Variants in RASSF6 observed in about 807,000 individuals in gnomAD.
RASSF6 encodes ras association domain-containing protein 6.
A neutral mutation model predicts 44.0 loss-of-function variants in RASSF6; 52 were observed. That is an observed-to-expected ratio of 1.18 (90% CI 0.95 to 1.49). The LOEUF (loss-of-function observed/expected upper bound fraction) is 1.49, where lower values mean the gene tolerates loss of function less well. RASSF6 is among the 40% of genes most tolerant of loss of function. The probability of loss-of-function intolerance (pLI) is 0.00; values close to 1 mark genes in which losing one functional copy is unlikely to be tolerated. For missense variants in RASSF6, 464 were observed against 393.3 expected, an observed-to-expected ratio of 1.18 and a Z score of -1.52; for synonymous variants, 162 against 124.6, an observed-to-expected ratio of 1.30 and a Z score of -2.00.
intron 2 of RASSF6, among the ~76,000 whole-genome samples, chr4:73,600,886 A>G (rs954808635): frequency 5.9e-5 from 9 of 152,220 alleles, no homozygotes; most frequent in Admixed American, 4.6e-4. Context: ...TAAAAATTAT[A>G]CTACTGGCCA....
rs1470023094 is a variant in RASSF6 at position 73,575,548 on chromosome 4, T to A, written c.*687A>T. 6.6e-6 allele frequency: 1 copy of A among 152,070 alleles called. No individual in the cohort carries two copies. The highest frequency in any genetic ancestry group is 1.5e-5 in the Non-Finnish European group (1 of 67,990). 9.4% of individuals were successfully genotyped at this position (152,070 alleles called of 1,614,324 possible). ...TAAATAAAGAAAAAGTTCAATTAAC[T>A]TAAAAAAGAGCTTAAGAAAAGCTTT... On this transcript the variant is annotated 3_prime_UTR_variant, in exon 11 of 11. Transcript: ENST00000307439.
At position 73,576,325 on chromosome 4, in the gene RASSF6, A is replaced by G. The variant is rs200422594; in HGVS notation, c.939-15T>C. On this transcript the variant is annotated splice_polypyrimidine_tract_variant and intron_variant, in intron 10 of 10. Transcript: ENST00000307439. The stretch of plus-strand genomic sequence containing the variant: ...CTTTATTGAATCTGAAAATGAGAAG[A>G]AGAAAGACTATTAAAAATTGGACAT... The G allele has an allele frequency of 8.2e-5, 125 of 1,516,384 alleles. No homozygotes were observed. The African/African-American group carries it at 1.6e-3, about 20-fold the overall frequency. The allele number at this position is 1,516,384 out of a possible 1,614,324, so 93.9% of individuals were successfully genotyped here. A position where few individuals can be genotyped will look rare whatever the true frequency, so the allele number is the denominator to read the frequency against.
rs768748092 is a variant in RASSF6 at position 73,593,460 on chromosome 4, G to A, written c.278C>T (p.Ser93Phe). ...ATGAAAGATAGCTTACCCTTTGCTG[G>A]AGAAGACGTCTGATGACTTCATACT... ...FTSMKSSDVF[S>F]SKGMTRWGEF... The change falls in exon 4 of 11, where the codon TCC becomes TTC. Residue 93 changes from serine to phenylalanine, a missense_variant. Ser to Phe is a radical substitution (Grantham distance 155). Coordinates refer to ENST00000307439, the MANE Select transcript of RASSF6 (RefSeq NM_177532.5). 3.7e-6 allele frequency: 6 copies of A among 1,603,296 alleles called. No individual in the cohort carries two copies. The highest frequency in any genetic ancestry group is 5.1e-6 in the Non-Finnish European group (6 of 1,176,720).
intron 3 of RASSF6, among the ~76,000 whole-genome samples, chr4:73,594,490 C>T (rs1724799045): frequency 6.6e-6 from 1 of 152,184 alleles, no homozygotes; most frequent in Admixed American, 6.5e-5. Flanking sequence ...CTAGTTGTGG[C>T]CTTGGACAAG....
intron 1 of RASSF6, among the ~76,000 whole-genome samples, chr4:73,614,123 C>T (rs949868567): frequency 1.3e-5 from 2 of 152,200 alleles, no homozygotes; most frequent in Non-Finnish European, 2.9e-5. Context: ...CCTCTTTCAT[C>T]ATAAGCCAAA....
rs531819229 is a variant in RASSF6, at chr4:73,582,275, G to C, written c.583C>G (p.Pro195Ala). The C allele has an allele frequency of 5.7e-6, 9 of 1,577,548 alleles. No homozygotes were observed. The East Asian group carries it at 1.1e-4, about 20-fold the overall frequency. Residue 195 changes from proline (P) to alanine (A), a missense_variant, in exon 7 of 11, where the codon CCA becomes GCA. Pro to Ala is a conservative substitution (Grantham distance 27). Coordinates refer to ENST00000307439, the MANE Select transcript of RASSF6 (RefSeq NM_177532.5). The stretch of plus-strand genomic sequence containing the variant: ...ACCTTAGTTTCTGATTCAAAGGCTG[G>C]AATGAAAATTGATGTCTAGAAAAAG... Reference protein sequence around the residue: ...FYNHETSIFIPAFESETKVRV... With the variant: ...FYNHETSIFIAAFESETKVRV...
At chr4:73,611,471 A>G (rs1726008101) in intron 2 of RASSF6, among the ~76,000 whole-genome samples, 1 of 152,198 alleles carries the variant, frequency 6.6e-6, no homozygotes, top group South Asian at 2.1e-4. Context: ...GCTGCTCTTC[A>G]ATATTATCCC....
rs1255769554 is a variant in RASSF6, at chr4:73,573,357, A to G, written c.*2878T>C. The G allele has an allele frequency of 6.6e-6, 1 of 152,122 alleles. No homozygotes were observed. Among genetic ancestry groups the G allele is most frequent in the East Asian group, 1.9e-4 (1 of 5,200 alleles). 9.4% of individuals were successfully genotyped at this position (152,122 alleles called of 1,614,324 possible). On this transcript the variant is annotated 3_prime_UTR_variant, in exon 11 of 11. Transcript: ENST00000307439. ...TGGCCAGGCTGGTCTCGAAATCCCA[A>G]CCTCAAGTGATCCACCTACCTTGGC...
Position 73,620,416 on chromosome 4 carries a change from C to T in RASSF6, c.-163G>A. 3 of 1,542,546 alleles carry T rather than the reference C, an allele frequency of 1.9e-6. No individual in the cohort carries two copies. Among genetic ancestry groups the T allele is most frequent in the Non-Finnish European group, 1.7e-6 (2 of 1,143,474 alleles). On this transcript the variant is annotated 5_prime_UTR_variant, in exon 1 of 11. Transcript: ENST00000307439. Reference sequence around the variant, plus strand: ...AAACCAGTGCCCTGTCTCTGCCGGGCTGGGACTCCGCGAGTCACTCACCTG... The same window carrying T: ...AAACCAGTGCCCTGTCTCTGCCGGGTTGGGACTCCGCGAGTCACTCACCTG...
rs1300756866 is a variant in RASSF6 at position 73,572,547 on chromosome 4, TAAAA to T, written c.*3684_*3687del. The stretch of plus-strand genomic sequence containing the variant: ...TATTATTTGTCAATTAAAAATAAAA[TAAAA>T]AGACGTAAGTCACTAAGTCCAGCCC... On this transcript the variant is annotated 3_prime_UTR_variant, in exon 11 of 11. Coordinates refer to ENST00000307439, the MANE Select transcript of RASSF6 (RefSeq NM_177532.5). 6.6e-6 allele frequency: 1 copy of T among 152,030 alleles called. No individual in the cohort carries two copies. Among genetic ancestry groups the T allele is most frequent in the Admixed American group, 6.6e-5 (1 of 15,260 alleles). The allele number at this position is 152,030 out of a possible 1,614,324, so 9.4% of individuals were successfully genotyped here. A position where few individuals can be genotyped will look rare whatever the true frequency, so the allele number is the denominator to read the frequency against.
Position 73,598,705 on chromosome 4 carries a change from A to G in RASSF6, c.79T>C (p.Ser27Pro). ...KTFITREQLNSLLKTYNIFYE... is the reference protein window; with the variant it reads ...KTFITREQLNPLLKTYNIFYE... ...AAAATGTTATAGGTCTTCAATAAAG[A>G]ATTAAGTTGTTCCCTAAAAATAAAA... Residue 27 changes from serine (S) to proline (P), a missense_variant, in exon 3 of 11, where the codon TCT (serine) becomes CCT (proline). Coordinates refer to ENST00000307439, the MANE Select transcript of RASSF6 (RefSeq NM_177532.5). 1 of 1,371,860 alleles carries G rather than the reference A, an allele frequency of 7.3e-7. No homozygotes were observed. Among genetic ancestry groups the G allele is most frequent in the Non-Finnish European group, 9.9e-7 (1 of 1,013,562 alleles). The allele number at this position is 1,371,860 out of a possible 1,614,324, so 85.0% of individuals were successfully genotyped here.
rs1403603347 is a variant in RASSF6 at position 73,585,312 on chromosome 4, T to C, written c.435A>G (p.Pro145=). The change falls in exon 6 of 11, where the codon CCA becomes CCG. Residue 145 remains proline, a synonymous_variant. Transcript: ENST00000307439. ...TGGTTCTATAGAGCACTGGGGAGTC[T>C]GGTTCATCCTTTGCATGTGGCTTCA... is the stretch of plus-strand genomic sequence containing the variant. ...NTLKPHAKDE[P]DSPVLYRTMS... is the part of the protein sequence containing the mutation. The C allele has an allele frequency of 6.2e-7, 1 of 1,610,144 alleles. No individual in the cohort carries two copies.
At chr4:73,596,641 A>T (rs1724959835) in intron 3 of RASSF6, among the ~76,000 whole-genome samples, 1 of 152,162 alleles carries the variant, frequency 6.6e-6, no homozygotes, top group Non-Finnish European at 1.5e-5. Flanking sequence ...AATTCATATG[A>T]ATCCAAAACA....
At chr4:73,610,642 C>T (rs995547197) in intron 2 of RASSF6, among the ~76,000 whole-genome samples, 8 of 152,196 alleles carry the variant, frequency 5.3e-5, no homozygotes, top group African/African-American at 1.9e-4. Context: ...GCGAAAGCTG[C>T]ATGGCTTGCT....
At chr4:73,591,545 G>C (rs1418020103) in intron 4 of RASSF6, among the ~76,000 whole-genome samples, 1 of 152,184 alleles carries the variant, frequency 6.6e-6, no homozygotes. Context: ...CAGAGCCCAA[G>C]AGTAATTTTT....
intron 3 of RASSF6, among the ~76,000 whole-genome samples, chr4:73,598,328 C>G (rs980052043): frequency 2.0e-5 from 3 of 152,136 alleles, no homozygotes; most frequent in African/African-American, 7.2e-5. Context: ...TTACAAATGA[C>G]ATCACAATGA....
intron 1 of RASSF6, among the ~76,000 whole-genome samples, chr4:73,614,908 T>C (rs1726250720): frequency 6.6e-6 from 1 of 152,192 alleles, no homozygotes; most frequent in Non-Finnish European, 1.5e-5. Context: ...AATAATATTA[T>C]TCATGTCTGA....
intron 2 of RASSF6, among the ~76,000 whole-genome samples, chr4:73,605,014 C>T (rs1442340764): frequency 2.6e-5 from 4 of 151,622 alleles, no homozygotes; most frequent in South Asian, 2.1e-4. Context: ...CTCAGCCTCC[C>T]GAGTAGCTGG....
At chr4:73,612,345 A>G (rs961585152) in intron 1 of RASSF6, among the ~76,000 whole-genome samples, 11 of 152,168 alleles carry the variant, frequency 7.2e-5, no homozygotes, top group African/African-American at 2.4e-4. Flanking sequence ...GGGTGTGACC[A>G]GAGATGTAAA....
Sources: allele counts gnomAD v4.1 joint callset (sites outside exome capture counted in the v4.1 genomes callset), GRCh38; gene constraint gnomAD v4.1.1; transcripts MANE v1.5; gene names NCBI Gene and HGNC (gene_info 2026-07-23, HGNC 2026-07-21).